The following SHANK2 variants were observed in gnomAD, a reference collection of about 807,000 sequenced individuals.
SHANK2 encodes the protein SH3 and multiple ankyrin repeat domains protein 2.
A neutral mutation model predicts 133.7 loss-of-function variants in SHANK2; 43 were observed. The ratio of observed to expected loss-of-function variants is 0.32; its 90% CI spans 0.25 to 0.41. The LOEUF (loss-of-function observed/expected upper bound fraction) is 0.41. Ranked by LOEUF, SHANK2 falls within the 10% of genes least tolerant of loss-of-function variation. The pLI is 1.00. For missense variants in SHANK2, 1,994 were observed against 2,235.8 expected, an observed-to-expected ratio of 0.89 and a Z score of 2.18; for synonymous variants, 1,017 against 952.8, an observed-to-expected ratio of 1.07 and a Z score of -1.24.
intron 14 of SHANK2, among the ~76,000 whole-genome samples, chr11:70,715,888 G>A (rs1337867985): frequency 2.0e-5 from 3 of 152,188 alleles, no homozygotes; most frequent in African/African-American, 7.2e-5. Context: ...GGGTATTGTG[G>A]CCAGACTCCA....
intron 11 of SHANK2, among the ~76,000 whole-genome samples, chr11:70,846,184 A>G (rs1237338979): frequency 6.6e-6 from 1 of 152,134 alleles, no homozygotes; most frequent in Non-Finnish European, 1.5e-5. Flanking sequence ...CGTGGCAGAA[A>G]ACGGAGGCAC....
intron 2 of SHANK2, among the ~76,000 whole-genome samples, chr11:71,183,442 A>G (rs562884838): frequency 9.2e-5 from 14 of 152,068 alleles, no homozygotes; most frequent in Admixed American, 8.5e-4. Flanking sequence ...AGACTCTGGC[A>G]TGCTTTAGAA....
intron 14 of SHANK2, among the ~76,000 whole-genome samples, chr11:70,737,294 A>G (rs1946426064): frequency 6.6e-6 from 1 of 152,192 alleles, no homozygotes; most frequent in African/African-American, 2.4e-5. Context: ...TTCAAGGAAG[A>G]TGCATTCACC....
At chr11:70,699,949 A>G (rs1232418427) in intron 14 of SHANK2, among the ~76,000 whole-genome samples, 1 of 152,190 alleles carries the variant, frequency 6.6e-6, no homozygotes, top group Admixed American at 6.5e-5. Flanking sequence ...TTTAGAAGCC[A>G]GTGTGCTCTC....
chr11:71,210,760 G>A (rs1322754573), intron 2 of SHANK2, among the ~76,000 whole-genome samples: 1 of 152,092 alleles, frequency 6.6e-6, no homozygotes, highest in Non-Finnish European at 1.5e-5. Flanking sequence ...GGGACAGAGA[G>A]CACCATTGTC....
chr11:70,885,640 G>C (rs541034291), intron 11 of SHANK2, among the ~76,000 whole-genome samples: 1 of 152,298 alleles, frequency 6.6e-6, no homozygotes, highest in East Asian at 1.9e-4. Context: ...AAGGCACACA[G>C]AGATGCATGC....
rs187811551 is a variant in SHANK2, at chr11:70,829,780, G to C, written c.1175-9098C>G. The stretch of plus-strand genomic sequence containing the variant: ...CTGAGTAAACCATTCACAAAGATCA[G>C]GAGCGGTGGTGGCTCCATCAGTCTC... On this transcript the variant is annotated intron_variant, in intron 11 of 25. Transcript: ENST00000601538. Among the ~76,000 whole-genome samples, 302 of 152,336 alleles carry C rather than the reference G, an allele frequency of 2.0e-3. 7 individuals are homozygous for C. The highest frequency in any genetic ancestry group is 0.016 in the Admixed American group (244 of 15,308).
At chr11:70,926,314 G>A (rs1363166595) in intron 10 of SHANK2, among the ~76,000 whole-genome samples, 1 of 152,218 alleles carries the variant, frequency 6.6e-6, no homozygotes, top group Non-Finnish European at 1.5e-5. Flanking sequence ...GGGAGGCTGA[G>A]GCGGGAGGAT....
chr11:71,094,223 T>C (rs1951566958), intron 7 of SHANK2, among the ~76,000 whole-genome samples: 1 of 152,088 alleles, frequency 6.6e-6, no homozygotes, highest in Admixed American at 6.6e-5. Flanking sequence ...GAGTGAGTCT[T>C]CCTGTGGATG....
chr11:71,182,039 G>A (rs1477167595), intron 2 of SHANK2, among the ~76,000 whole-genome samples: 1 of 152,156 alleles, frequency 6.6e-6, no homozygotes. Flanking sequence ...GAGGATGGCT[G>A]TGATGACAAG....
At chr11:70,617,044 T>C (rs782129833) in intron 17 of SHANK2, among the ~76,000 whole-genome samples, 4 of 151,974 alleles carry the variant, frequency 2.6e-5, no homozygotes, top group Non-Finnish European at 4.4e-5. Flanking sequence ...TCTATGAGTG[T>C]GTGTGTAGGT....
chr11:71,246,392 G>A (rs1363036904), intron 1 of SHANK2, among the ~76,000 whole-genome samples: 1 of 152,018 alleles, frequency 6.6e-6, no homozygotes, highest in Admixed American at 6.6e-5. Context: ...ACGTGGGGCA[G>A]GACACCCCCA....
intron 2 of SHANK2, among the ~76,000 whole-genome samples, chr11:71,221,593 T>G (rs1555121113): frequency 6.6e-6 from 1 of 152,162 alleles, no homozygotes; most frequent in Admixed American, 6.5e-5. Context: ...AAAAACCACA[T>G]CTTCAAATTC....
chr11:71,178,565 G>C (rs1953488964), intron 2 of SHANK2, among the ~76,000 whole-genome samples: 1 of 152,088 alleles, frequency 6.6e-6, no homozygotes, highest in African/African-American at 2.4e-5. Context: ...ACTCCTGAAT[G>C]GTTAAGATGA....
chr11:70,828,586 G>A (rs955498869), intron 11 of SHANK2, among the ~76,000 whole-genome samples: 1 of 152,254 alleles, frequency 6.6e-6, no homozygotes, highest in African/African-American at 2.4e-5. Flanking sequence ...ACTTCGGGAG[G>A]CCTGACGATG....
chr11:70,645,034 C>T (rs1178469217), intron 17 of SHANK2, among the ~76,000 whole-genome samples: 1 of 152,084 alleles, frequency 6.6e-6, no homozygotes, highest in East Asian at 1.9e-4. Context: ...CGAGCCTGGC[C>T]AACATGGTGA....
At chr11:71,241,174 G>A (rs951577745) in intron 1 of SHANK2, among the ~76,000 whole-genome samples, 4 of 152,292 alleles carry the variant, frequency 2.6e-5, no homozygotes, top group African/African-American at 7.2e-5. Context: ...GGGAAGCCCC[G>A]CCAGCCCTGC....
chr11:70,643,896 C>T (rs931357260), intron 17 of SHANK2, among the ~76,000 whole-genome samples: 1 of 144,896 alleles, frequency 6.9e-6, no homozygotes, highest in Admixed American at 7.3e-5. Flanking sequence ...AACAGGAAGC[C>T]GACTAAGGGA....
At chr11:70,659,761 C>A in intron 17 of SHANK2, 67 bp downstream of exon 17, 2 of 1,604,748 alleles carry the variant, frequency 1.2e-6, no homozygotes, top group South Asian at 2.2e-5. Flanking sequence ...GCTGCCAGGA[C>A]TACGACCCTC....
Sources: gnomAD v4.1 joint callset for allele counts (sites outside exome capture counted in the v4.1 genomes callset) on GRCh38, gnomAD v4.1.1 for gene constraint, MANE v1.5 for transcripts, NCBI Gene and HGNC (gene_info 2026-07-23, HGNC 2026-07-21) for gene names.